NREP: variants seen among roughly 807,000 people sequenced by gnomAD.
The protein encoded by NREP is neuronal regeneration-related protein.
A neutral mutation model predicts 8.6 loss-of-function variants in NREP; 5 were observed. The ratio of observed to expected loss-of-function variants is 0.58; its 90% CI spans 0.30 to 1.22. NREP has a LOEUF of 1.22. Among genes scored for constraint, NREP ranks in the 50% most tolerant of loss-of-function variants. NREP has a pLI of 0.07. For synonymous variants in NREP, 27 were observed against 28.0 expected, an observed-to-expected ratio of 0.96 and a Z score of 0.11; for missense variants, 86 against 82.5, an observed-to-expected ratio of 1.04 and a Z score of -0.17.
At chr5:111,941,769 T>A (rs899196019) in intron 2 of NREP, among the ~76,000 whole-genome samples, 1 of 152,032 alleles carries the variant, frequency 6.6e-6, no homozygotes, top group African/African-American at 2.4e-5. Context: ...GCATGCCATA[T>A]CTGTTTTAAA....
intron 2 of NREP, among the ~76,000 whole-genome samples, chr5:111,974,988 T>C (rs557368958): frequency 3.3e-5 from 5 of 152,104 alleles, no homozygotes; most frequent in Non-Finnish European, 5.9e-5. Context: ...GCTGAGGTGG[T>C]TGGCCAGAGG....
chr5:111,858,844 G>A (rs888424163), intron 2 of NREP, among the ~76,000 whole-genome samples: 9 of 151,838 alleles, frequency 5.9e-5, no homozygotes, highest in Admixed American at 6.6e-5. Context: ...ACAACCTTAC[G>A]AGCATCAACC....
intron 2 of NREP, among the ~76,000 whole-genome samples, chr5:111,871,215 T>C (rs1753783943): frequency 1.3e-5 from 2 of 152,184 alleles, no homozygotes; most frequent in Non-Finnish European, 2.9e-5. Context: ...GGTTGTATGG[T>C]AGAGCCTATT....
chr5:111,953,139 C>T (rs188213747), intron 2 of NREP, among the ~76,000 whole-genome samples: 1 of 152,162 alleles, frequency 6.6e-6, no homozygotes, highest in East Asian at 1.9e-4. Flanking sequence ...TTATTGTCTT[C>T]CTTCAGAATT....
rs143150941 is a variant in NREP, at chr5:111,881,036, G to A, written c.135+94238C>T. Among the ~76,000 whole-genome samples the A allele has an allele frequency of 5.9e-3, 902 of 152,304 alleles. 4 individuals are homozygous for A. The highest frequency in any genetic ancestry group is 8.7e-3 in the Non-Finnish European group (589 of 68,018). On this transcript the variant is annotated intron_variant, in intron 2 of 3. Coordinates refer to the NREP transcript ENST00000395634. ...AGCAGGGCGAGGCATTGCCTCACTC[G>A]GGAAGCGTAAGAGATCAGGGAATTC...
chr5:111,871,098 ATTGC>A (rs1753780988), intron 2 of NREP, among the ~76,000 whole-genome samples: 1 of 132,204 alleles, frequency 7.6e-6, no homozygotes, highest in African/African-American at 3.2e-5. Flanking sequence ...GTAGTCATGC[ATTGC>A]TTAACAGGAA....
chr5:111,813,051 C>G (rs1283285061), intron 2 of NREP, among the ~76,000 whole-genome samples: 1 of 152,078 alleles, frequency 6.6e-6, no homozygotes, highest in Non-Finnish European at 1.5e-5. Flanking sequence ...TTATAGGTAC[C>G]CTACTCTTTA....
intron 2 of NREP, among the ~76,000 whole-genome samples, chr5:111,949,736 A>G (rs923833883): frequency 1.3e-5 from 2 of 152,148 alleles, no homozygotes; most frequent in Admixed American, 6.5e-5. Flanking sequence ...AGCTTCATCC[A>G]TGTCCCTGCA....
chr5:111,731,264 AC>A (rs950968167), intron 3 of NREP, among the ~76,000 whole-genome samples: 3 of 152,068 alleles, frequency 2.0e-5, no homozygotes, highest in African/African-American at 7.2e-5. Context: ...AACACTGGCC[AC>A]CTTTGCTTCA....
chr5:111,887,508 C>T (rs1754290398), intron 2 of NREP, among the ~76,000 whole-genome samples: 1 of 152,128 alleles, frequency 6.6e-6, no homozygotes, highest in African/African-American at 2.4e-5. Context: ...TGCTGAAGTC[C>T]ATTTGGAGAA....
intron 2 of NREP, among the ~76,000 whole-genome samples, chr5:111,828,622 T>TA (rs532024692): frequency 6.6e-6 from 1 of 151,714 alleles, no homozygotes; most frequent in Admixed American, 6.6e-5. Flanking sequence ...GCTTTGGAAA[T>TA]AAAAAAAATG....
intron 2 of NREP, among the ~76,000 whole-genome samples, chr5:111,883,143 A>C (rs1406695444): frequency 6.6e-6 from 1 of 152,260 alleles, no homozygotes; most frequent in Non-Finnish European, 1.5e-5. Flanking sequence ...TCTACCAAGC[A>C]AATGGAAAAC....
At chr5:111,882,261 A>G (rs527388578) in intron 2 of NREP, among the ~76,000 whole-genome samples, 216 of 152,322 alleles carry the variant, frequency 1.4e-3, no homozygotes, top group African/African-American at 4.6e-3. Flanking sequence ...GAAATGAAGC[A>G]AGAAGGGAAG....
chr5:111,833,100 T>C (rs1225800857), intron 2 of NREP, among the ~76,000 whole-genome samples: 1 of 152,178 alleles, frequency 6.6e-6, no homozygotes. Flanking sequence ...TAAAACACTG[T>C]TTTGTACCTT....
chr5:111,836,694 A>T (rs1752903738), intron 2 of NREP, among the ~76,000 whole-genome samples: 1 of 151,956 alleles, frequency 6.6e-6, no homozygotes, highest in South Asian at 2.1e-4. Context: ...AGCCAGGGAG[A>T]GCTGGCAGTG....
At chr5:111,804,369 G>A (rs183271296) in intron 2 of NREP, among the ~76,000 whole-genome samples, 124 of 152,184 alleles carry the variant, frequency 8.1e-4, no homozygotes, top group Admixed American at 1.8e-3. Context: ...AGAATAAACT[G>A]CAAATACATC....
intron 2 of NREP, among the ~76,000 whole-genome samples, chr5:111,801,636 A>C (rs1051323515): frequency 1.3e-5 from 2 of 152,220 alleles, no homozygotes; most frequent in Admixed American, 6.5e-5. Flanking sequence ...ATAAGAAAAA[A>C]ATATATACAT....
intron 2 of NREP, among the ~76,000 whole-genome samples, chr5:111,896,129 G>A (rs892866653): frequency 2.6e-5 from 4 of 152,104 alleles, no homozygotes; most frequent in African/African-American, 7.2e-5. Flanking sequence ...CAGGGGCAGG[G>A]GCAGGGCAGC....
intron 2 of NREP, among the ~76,000 whole-genome samples, chr5:111,842,790 T>G (rs894529028): frequency 6.6e-6 from 1 of 152,242 alleles, no homozygotes; most frequent in Non-Finnish European, 1.5e-5. Flanking sequence ...TTTGCTTTTC[T>G]GAGAAAGTCG....
Sources: gnomAD v4.1 joint callset for allele counts (sites outside exome capture counted in the v4.1 genomes callset) on GRCh38, gnomAD v4.1.1 for gene constraint, MANE v1.5 for transcripts, NCBI Gene and HGNC (gene_info 2026-07-23, HGNC 2026-07-21) for gene names.